KCNJ16: variants seen among roughly 807,000 people sequenced by gnomAD.
The protein encoded by KCNJ16 is inward rectifier potassium channel 16.
In KCNJ16, 15 loss-of-function variants were observed where a neutral mutation model predicts 18.5. The ratio of observed to expected loss-of-function variants is 0.81; its 90% confidence interval spans 0.54 to 1.25. The LOEUF (loss-of-function observed/expected upper bound fraction) is 1.25. Among genes scored for constraint, KCNJ16 ranks in the 50% most tolerant of loss-of-function variants. KCNJ16 has a pLI of 0.00. For synonymous variants in KCNJ16, 174 were observed against 186.5 expected, an observed-to-expected ratio of 0.93 and a Z score of 0.55; for missense variants, 523 against 525.7, an observed-to-expected ratio of 0.99 and a Z score of 0.05.
chr17:70,098,893 A>C (rs1379508722), intron 1 of KCNJ16, among the ~76,000 whole-genome samples: 1 of 152,006 alleles, frequency 6.6e-6, no homozygotes, highest in Non-Finnish European at 1.5e-5. Context: ...CATTCAAAGA[A>C]CAACCAGGTG....
intron 2 of KCNJ16, among the ~76,000 whole-genome samples, chr17:70,110,800 A>G (rs1367127918): frequency 6.6e-6 from 1 of 152,148 alleles, no homozygotes; most frequent in Non-Finnish European, 1.5e-5. Context: ...ATTCTTCTGC[A>G]TGAAAAGGCA....
At position 70,133,537 on chromosome 17, in the gene KCNJ16, C is replaced by T. The variant is rs556652039; in HGVS notation, c.*193C>T. On this transcript the variant is annotated 3_prime_UTR_variant, in exon 4 of 4. Coordinates refer to ENST00000392671, the MANE Select transcript of KCNJ16 (RefSeq NM_170741.4). ...CTCAGTTATTAAAATTTTTCTTGTTCGCCAATTTTGTATTAAGAATGCTAT... is the reference window on the plus strand; with the variant it reads ...CTCAGTTATTAAAATTTTTCTTGTTTGCCAATTTTGTATTAAGAATGCTAT... 2.4e-4 allele frequency: 123 copies of T among 520,330 alleles called. No individual in the cohort carries two copies. Among genetic ancestry groups the T allele is most frequent in the Middle Eastern group, 1.5e-3 (3 of 1,958 alleles). 32.2% of individuals were successfully genotyped at this position (520,330 alleles called of 1,614,324 possible).
chr17:70,077,866 C>T (rs997899538), intron 1 of KCNJ16, among the ~76,000 whole-genome samples: 1 of 145,690 alleles, frequency 6.9e-6, no homozygotes, highest in African/African-American at 2.5e-5. Flanking sequence ...GGCCCAGATT[C>T]AGAAAAAAAA....
chr17:70,130,393 C>T (rs183515934), intron 2 of KCNJ16, among the ~76,000 whole-genome samples: 3 of 152,050 alleles, frequency 2.0e-5, no homozygotes, highest in African/African-American at 4.8e-5. Flanking sequence ...TGCTGACAAA[C>T]GAGAGGATGT....
chr17:70,091,596 A>C (rs2072093353), intron 1 of KCNJ16, among the ~76,000 whole-genome samples: 1 of 47,692 alleles, frequency 2.1e-5, no homozygotes, highest in Non-Finnish European at 3.9e-5. Flanking sequence ...CTTATCCCCC[A>C]GTACACATAC....
intron 2 of KCNJ16, among the ~76,000 whole-genome samples, chr17:70,123,950 T>C (rs2073751340): frequency 1.3e-5 from 2 of 152,318 alleles, no homozygotes; most frequent in African/African-American, 4.8e-5. Flanking sequence ...CTGCATTCAA[T>C]GATAAAATGC....
intron 2 of KCNJ16, among the ~76,000 whole-genome samples, chr17:70,112,660 G>A (rs1433769175): frequency 1.3e-5 from 2 of 152,072 alleles, no homozygotes; most frequent in Admixed American, 6.6e-5. Context: ...AAAGCAAAAG[G>A]TAATTTTATT....
rs1202445149 is a variant in KCNJ16, at chr17:70,088,001, G to A, written c.-300+12611G>A. Among the ~76,000 whole-genome samples, 8 of 103,820 alleles carry A rather than the reference G, an allele frequency of 7.7e-5. No individual in the cohort carries two copies. The East Asian group carries it at 1.3e-3, about 17-fold the overall frequency. 68.1% of individuals were successfully genotyped at this position (103,820 alleles called of 152,430 possible). On this transcript the variant is annotated intron_variant, in intron 1 of 3. Transcript: ENST00000392671. ...CACGCCACTGCACTGCAGCCTGGGC[G>A]ACAGAGCAAGACTCTGTCTCAAAAA...
intron 1 of KCNJ16, 122 bp from the exon 2 acceptor site, chr17:70,100,536 C>T (rs934217542): frequency 6.6e-6 from 1 of 152,200 alleles, no homozygotes; most frequent in African/African-American, 2.4e-5. Context: ...TTCTCCCAAT[C>T]AGACTTAACA....
chr17:70,122,698 G>A (rs553996733), intron 2 of KCNJ16, among the ~76,000 whole-genome samples: 15 of 152,230 alleles, frequency 9.9e-5, no homozygotes, highest in African/African-American at 2.9e-4. Flanking sequence ...AGACTGCCTC[G>A]TAGGGAGCTG....
intron 1 of KCNJ16, among the ~76,000 whole-genome samples, chr17:70,081,509 C>T (rs2071551029): frequency 6.6e-6 from 1 of 152,178 alleles, no homozygotes; most frequent in African/African-American, 2.4e-5. Flanking sequence ...GCAAAATGCA[C>T]TTTCCACATG....
At chr17:70,111,644 T>G (rs2073188345) in intron 2 of KCNJ16, among the ~76,000 whole-genome samples, 1 of 152,086 alleles carries the variant, frequency 6.6e-6, no homozygotes, top group Non-Finnish European at 1.5e-5. Flanking sequence ...CACCCAAATC[T>G]CATCTTCAGT....
rs771305324 is a variant in KCNJ16 at position 70,132,412 on chromosome 17, A to G, written c.325A>G (p.Thr109Ala). The change falls in exon 4 of 4, where the codon ACA becomes GCA. Residue 109 changes from threonine (T) to alanine (A), a missense_variant. By Grantham distance (58) the Thr-to-Ala change is moderately conservative. Coordinates refer to ENST00000392671, the MANE Select transcript of KCNJ16 (RefSeq NM_170741.4). ...HGDLLNDPDI[T>A]PCVDNVHSFT... is the part of the protein sequence containing the mutation. Reference sequence around the variant, plus strand: ...CGATCTATTAAATGATCCAGACATCACACCTTGTGTTGACAACGTCCATTC... The same window carrying G: ...CGATCTATTAAATGATCCAGACATCGCACCTTGTGTTGACAACGTCCATTC... The G allele has an allele frequency of 2.5e-6, 4 of 1,614,132 alleles. No individual in the cohort carries two copies. The highest frequency in any genetic ancestry group is 4.5e-5 in the East Asian group (2 of 44,866).
intron 1 of KCNJ16, among the ~76,000 whole-genome samples, chr17:70,099,026 A>C (rs1237874163): frequency 2.6e-5 from 4 of 152,178 alleles, no homozygotes; most frequent in Non-Finnish European, 5.9e-5. Flanking sequence ...CCATGCGTGG[A>C]GTATTTACAC....
intron 1 of KCNJ16, among the ~76,000 whole-genome samples, chr17:70,092,137 T>C (rs1478992038): frequency 1.3e-5 from 2 of 152,212 alleles, no homozygotes; most frequent in African/African-American, 4.8e-5. Context: ...GTTTTTATTG[T>C]TTTATGAGTC....
chr17:70,093,822 ATTCTT>A (rs1032449050), intron 1 of KCNJ16, among the ~76,000 whole-genome samples: 2 of 152,092 alleles, frequency 1.3e-5, no homozygotes, highest in African/African-American at 4.8e-5. Flanking sequence ...TAAATCTTTC[ATTCTT>A]TTCAAGAGGC....
chr17:70,088,364 G>C (rs2071934930), intron 1 of KCNJ16, among the ~76,000 whole-genome samples: 1 of 152,198 alleles, frequency 6.6e-6, no homozygotes, highest in Non-Finnish European at 1.5e-5. Flanking sequence ...TAATGCTGCC[G>C]CTGATCCAGC....
chr17:70,109,551 CCT>C (rs1230013817), intron 2 of KCNJ16, among the ~76,000 whole-genome samples: 4 of 150,370 alleles, frequency 2.7e-5, no homozygotes, highest in Admixed American at 6.6e-5. Flanking sequence ...TGGGTTTTCC[CCT>C]CTTTCTCTTC....
chr17:70,104,511 T>C (rs1384990915), intron 2 of KCNJ16, among the ~76,000 whole-genome samples: 1 of 152,172 alleles, frequency 6.6e-6, no homozygotes, highest in African/African-American at 2.4e-5. Context: ...AAGTGTGCAT[T>C]TGCATAGAAA....
Sources: allele counts gnomAD v4.1 joint callset (sites outside exome capture counted in the v4.1 genomes callset), GRCh38; gene constraint gnomAD v4.1.1; transcripts MANE v1.5; gene names NCBI Gene and HGNC (gene_info 2026-07-23, HGNC 2026-07-21).